NRIP3: variants seen among roughly 807,000 people sequenced by gnomAD.
The protein encoded by NRIP3 is nuclear receptor interacting protein 3.
NRIP3 carries 31 observed loss-of-function variants against 29.0 expected under a neutral mutation model. The ratio of observed to expected loss-of-function variants is 1.07; its 90% CI spans 0.80 to 1.44. NRIP3 has a LOEUF of 1.44. Among genes scored for constraint, NRIP3 ranks in the 40% most tolerant of loss-of-function variants. NRIP3 has a pLI of 0.00. For synonymous variants in NRIP3, 131 were observed against 118.3 expected (o/e 1.11, Z -0.70); for missense variants, 314 against 297.9 (o/e 1.05, Z -0.40).
chr11:8,996,535 C>G (rs2134925105), intron 1 of NRIP3, among the ~76,000 whole-genome samples: 1 of 152,222 alleles, frequency 6.6e-6, no homozygotes, highest in East Asian at 1.9e-4. Flanking sequence ...CTTGCCTTGG[C>G]CTCCCAAAGT....
intron 4 of NRIP3, 111 bp downstream of exon 4, chr11:8,985,600 A>G: frequency 1.5e-6 from 2 of 1,375,028 alleles, no homozygotes; most frequent in Non-Finnish European, 9.9e-7. Context: ...AAAAATGGGA[A>G]CCATTTTGAA....
intron 1 of NRIP3, among the ~76,000 whole-genome samples, chr11:8,997,480 T>C: frequency 6.6e-6 from 1 of 152,184 alleles, no homozygotes; most frequent in East Asian, 1.9e-4. Flanking sequence ...TGACGTGGAT[T>C]CTGCTTTATG....
chr11:8,986,104 A>G (rs2742469), intron 3 of NRIP3, among the ~76,000 whole-genome samples: 143,064 of 152,286 alleles, frequency 0.94, 67,820 homozygotes, highest in East Asian at 1. Flanking sequence ...TGAAGAGAGG[A>G]GAACTGATAT....
At chr11:8,992,174 A>C (rs1212207123) in intron 1 of NRIP3, among the ~76,000 whole-genome samples, 1 of 152,238 alleles carries the variant, frequency 6.6e-6, no homozygotes, top group Non-Finnish European at 1.5e-5. Context: ...AGGTATCAGA[A>C]CCTCTACAGT....
intron 4 of NRIP3, among the ~76,000 whole-genome samples, chr11:8,985,227 T>C (rs1419501679): frequency 1.4e-5 from 2 of 145,276 alleles, no homozygotes; most frequent in East Asian, 4.1e-4. Flanking sequence ...TGGAGTGCAG[T>C]GGCACGATCT....
chr11:8,983,900 C>G lies in NRIP3; in HGVS notation c.685G>C (p.Glu229Gln), dbSNP rs1477507054. ...TTGTCTTCATTCAAAGAGACTGTCT[C>G]CACAAAAGGGATTTCTTCCTTGTCT... ...KTDKEEIPFV[E>Q]TVSLNEDNTS... Residue 229 changes from glutamate (E) to glutamine (Q), a missense_variant, in exon 6 of 7, where the codon GAG (glutamate) becomes CAG (glutamine). Coordinates refer to ENST00000309166, the MANE Select transcript of NRIP3 (RefSeq NM_020645.3). The G allele has an allele frequency of 1.9e-6, 3 of 1,614,162 alleles. No individual in the cohort carries two copies. The highest frequency in any genetic ancestry group is 2.2e-5 in the South Asian group (2 of 91,084).
intron 1 of NRIP3, among the ~76,000 whole-genome samples, chr11:8,997,106 G>A (rs897526120): frequency 6.6e-6 from 1 of 151,594 alleles, no homozygotes; most frequent in Non-Finnish European, 1.5e-5. Context: ...GCCAGGCACA[G>A]TGGCTCATGC....
Position 8,985,710 on chromosome 11 carries a change from C to T in NRIP3, c.562+1G>A, listed in dbSNP as rs369688688. ...TAGGTCCAGCCCTCAATTCTGCTTA[C>T]CAACCACAGCTGCTGGGCAGTCCAG... On this transcript the variant is annotated splice_donor_variant, in intron 4 of 6. Transcript: ENST00000309166. LOFTEE classifies it high-confidence loss of function. The T allele has an allele frequency of 1.9e-6, 3 of 1,613,490 alleles. No individual in the cohort carries two copies. The highest frequency in any genetic ancestry group is 2.5e-6 in the Non-Finnish European group (3 of 1,179,850).
At chr11:8,983,602 CA>C (rs1566134614) in intron 6 of NRIP3, 42 bp from the exon 7 acceptor site, 8 of 1,598,660 alleles carry the variant, frequency 5.0e-6, no homozygotes, top group African/African-American at 1.3e-5. Flanking sequence ...ATGCCAAATT[CA>C]AAAAAAGTTA....
At chr11:8,984,276 T>C in intron 4 of NRIP3, 152 bp from the exon 5 acceptor site, 3 of 539,962 alleles carry the variant, frequency 5.6e-6, no homozygotes, top group Non-Finnish European at 9.6e-6. Flanking sequence ...TTTTTTTATT[T>C]TTTGAGATGG....
Position 9,003,916 on chromosome 11 carries a change from A to T in NRIP3, c.20T>A (p.Leu7His). The T allele has an allele frequency of 6.6e-7, 1 of 1,515,072 alleles. No homozygotes were observed. The highest frequency in any genetic ancestry group is 8.8e-7 in the Non-Finnish European group (1 of 1,132,652). The allele number at this position is 1,515,072 out of a possible 1,614,324, so 93.9% of individuals were successfully genotyped here. The change falls in exon 1 of 7, where the codon CTC (leucine) becomes CAC (histidine). Residue 7 changes from leucine (L) to histidine (H), a missense_variant. Leu to His is a moderately conservative substitution (Grantham distance 99). Coordinates refer to ENST00000309166, the MANE Select transcript of NRIP3 (RefSeq NM_020645.3). ...GGTCTCCTTGCGGCCGCCCTCAGTG[A>T]GGAGCCCTGAGTAAAACATCGCTGA... MFYSGL[L>H]TEGGRKETDM...
intron 6 of NRIP3, 113 bp from the exon 7 acceptor site, chr11:8,983,673 G>T: frequency 2.0e-6 from 2 of 1,010,692 alleles, no homozygotes; most frequent in South Asian, 1.4e-5. Flanking sequence ...ACTCTGTGTG[G>T]CATCACCATT....
chr11:8,983,844 G>A (rs761231452), intron 6 of NRIP3, 31 bp downstream of exon 6: 55 of 1,553,262 alleles, frequency 3.5e-5, no homozygotes, highest in Non-Finnish European at 4.4e-5. Flanking sequence ...ACAAATGGAT[G>A]TGACTTGATC....
At chr11:9,003,731 G>A in intron 1 of NRIP3, 31 bp downstream of exon 1, 2 of 1,384,482 alleles carry the variant, frequency 1.4e-6, no homozygotes, top group Non-Finnish European at 9.4e-7. Context: ...AAGCCGCCGG[G>A]GCCGGGGCGA....
chr11:8,985,659 A>G, intron 4 of NRIP3, 52 bp downstream of exon 4: 1 of 1,582,878 alleles, frequency 6.3e-7, no homozygotes, highest in South Asian at 1.1e-5. Context: ...TGTTGGGGGT[A>G]GGGAGAGGGT....
rs550525705 is a variant in NRIP3, at chr11:8,982,614, A to G, written c.*931T>C. 2 of 185,558 alleles carry G rather than the reference A, an allele frequency of 1.1e-5. No homozygotes were observed. Among genetic ancestry groups the G allele is most frequent in the African/African-American group, 4.8e-5 (2 of 42,030 alleles). 11.5% of individuals were successfully genotyped at this position (185,558 alleles called of 1,614,324 possible). The stretch of plus-strand genomic sequence containing the variant: ...TCAATTCCATATCAGAGAGGGATTA[A>G]TATTCCTCTGTCTGTGGTTCCTCCT... On this transcript the variant is annotated 3_prime_UTR_variant, in exon 7 of 7. Transcript: ENST00000309166.
At position 8,983,892 on chromosome 11, in the gene NRIP3, G is replaced by C; in HGVS notation, c.693C>G (p.Val231=). ...DKEEIPFVET[V]SLNEDNTSEA Reference sequence around the variant, plus strand: ...GCACTCACTTGTCTTCATTCAAAGAGACTGTCTCCACAAAAGGGATTTCTT... The same window carrying C: ...GCACTCACTTGTCTTCATTCAAAGACACTGTCTCCACAAAAGGGATTTCTT... Residue 231 remains valine, a synonymous_variant, in exon 6 of 7, where the codon GTC becomes GTG. Coordinates refer to ENST00000309166, the MANE Select transcript of NRIP3 (RefSeq NM_020645.3). 1 of 1,614,124 alleles carries C rather than the reference G, an allele frequency of 6.2e-7. No individual in the cohort carries two copies. The highest frequency in any genetic ancestry group is 8.5e-7 in the Non-Finnish European group (1 of 1,179,962).
intron 3 of NRIP3, among the ~76,000 whole-genome samples, chr11:8,986,829 G>A (rs1281391515): frequency 6.6e-6 from 1 of 152,098 alleles, no homozygotes; most frequent in Non-Finnish European, 1.5e-5. Flanking sequence ...AACCATCCTG[G>A]GCAACATGGC....
chr11:8,984,483 G>A (rs1176102306), intron 4 of NRIP3, among the ~76,000 whole-genome samples: 6 of 152,148 alleles, frequency 3.9e-5, no homozygotes, highest in Middle Eastern at 6.8e-3. Flanking sequence ...GGCTTCTCTC[G>A]AACTCCTGAC....
Sources: gnomAD v4.1 joint callset for allele counts (sites outside exome capture counted in the v4.1 genomes callset) on GRCh38, gnomAD v4.1.1 for gene constraint, MANE v1.5 for transcripts, NCBI Gene and HGNC (gene_info 2026-07-23, HGNC 2026-07-21) for gene names.